MGAT5: variants seen among roughly 807,000 people sequenced by gnomAD.
MGAT5 encodes the protein alpha-1,6-mannosylglycoprotein 6-beta-N-acetylglucosaminyltransferase, also known as alpha-1,6-mannosylglycoprotein 6-beta-N-acetylglucosaminyltransferase A.
A neutral mutation model predicts 94.3 loss-of-function variants in MGAT5; 30 were observed. The ratio of observed to expected loss-of-function variants is 0.32; its 90% CI spans 0.24 to 0.43. MGAT5 has a LOEUF of 0.43. Among genes scored for constraint, MGAT5 ranks in the 20% least tolerant of loss-of-function variants. The pLI, the probability that MGAT5 is intolerant of heterozygous loss-of-function variation, is 1.00. For missense variants in MGAT5, 691 were observed against 905.5 expected, an observed-to-expected ratio of 0.76 and a Z score of 3.04; for synonymous variants, 310 against 322.9, an observed-to-expected ratio of 0.96 and a Z score of 0.43.
chr2:134,234,348 A>G (rs922298262), intron 1 of MGAT5, among the ~76,000 whole-genome samples: 1 of 152,204 alleles, frequency 6.6e-6, no homozygotes, highest in Non-Finnish European at 1.5e-5. Context: ...CCCAACAGAT[A>G]TTAAGTAGTT....
intron 4 of MGAT5, among the ~76,000 whole-genome samples, chr2:134,329,434 A>G (rs1232127317): frequency 2.0e-5 from 3 of 152,140 alleles, no homozygotes; most frequent in South Asian, 2.1e-4. Context: ...TTAACCATAC[A>G]GTACTGCCAC....
intron 9 of MGAT5, among the ~76,000 whole-genome samples, chr2:134,355,509 C>A (rs1245869901): frequency 6.6e-6 from 1 of 152,112 alleles, no homozygotes; most frequent in Non-Finnish European, 1.5e-5. Context: ...CCTGGCTTGG[C>A]TTATATTTAC....
chr2:134,124,478 G>A (rs374314609), intron 1 of MGAT5, among the ~76,000 whole-genome samples: 1 of 152,102 alleles, frequency 6.6e-6, no homozygotes, highest in Non-Finnish European at 1.5e-5. Context: ...CTTTCCTCTC[G>A]GGACTCTGCC....
chr2:134,338,371 T>C lies in MGAT5; in HGVS notation c.758T>C (p.Ile253Thr). The change falls in exon 6 of 16, where the codon ATC becomes ACC. Residue 253 changes from isoleucine to threonine, a missense_variant. Around this residue, in one of 4 missense-constraint regions of MGAT5, gnomAD observed 307 missense variants for 335.4 expected, o/e 0.92. Transcript: ENST00000281923. ...ATGGCTGACGCATGGATCCAAGCAA[T>C]CAAGTCCCTGGCAGAAAAGCAGAAC... Reference protein sequence around the residue: ...RRMADAWIQAIKSLAEKQNLE... With the variant: ...RRMADAWIQATKSLAEKQNLE... The C allele has an allele frequency of 6.2e-7, 1 of 1,612,310 alleles. No individual in the cohort carries two copies. Among genetic ancestry groups the C allele is most frequent in the Non-Finnish European group, 8.5e-7 (1 of 1,179,246 alleles).
At position 134,228,523 on chromosome 2, in the gene MGAT5, C is replaced by T. The variant is rs565565949; in HGVS notation, c.-142-25739C>T. ...GATTTATGGCCTCTCAACTTCACCC[C>T]TTTTTCTTGCTCTGTGAAAATGGAT... On this transcript the variant is annotated intron_variant, in intron 1 of 16. Coordinates refer to the MGAT5 transcript ENST00000409645. 3.9e-5 allele frequency among the ~76,000 whole-genome samples: 6 copies of T among 152,314 alleles called. No individual in the cohort carries two copies. In the East Asian group the frequency reaches 1.2e-3, roughly 29 times the overall value.
chr2:134,193,023 G>C (rs1403814718), intron 1 of MGAT5, among the ~76,000 whole-genome samples: 1 of 151,942 alleles, frequency 6.6e-6, no homozygotes, highest in East Asian at 1.9e-4. Flanking sequence ...TTTTGTGATT[G>C]AGCAAGTATT....
At chr2:134,229,303 T>C (rs367827547) in intron 1 of MGAT5, among the ~76,000 whole-genome samples, 3 of 152,244 alleles carry the variant, frequency 2.0e-5, no homozygotes, top group East Asian at 3.8e-4. Context: ...ATGGTTCTTG[T>C]TCATAGAATG....
At chr2:134,384,243 C>A (rs1324247624) in intron 10 of MGAT5, among the ~76,000 whole-genome samples, 1 of 147,974 alleles carries the variant, frequency 6.8e-6, no homozygotes, top group Non-Finnish European at 1.5e-5. Context: ...ATCATCCTCT[C>A]ATCCAGATGT....
rs1437803559 is a variant in MGAT5, at chr2:134,169,941, ACTT to A, written c.-143+49654_-143+49656del. Among the ~76,000 whole-genome samples, 6 of 152,288 alleles carry A rather than the reference ACTT, an allele frequency of 3.9e-5. No homozygotes were observed. In the South Asian group the frequency reaches 8.3e-4, roughly 21 times the overall value. On this transcript the variant is annotated intron_variant, in intron 1 of 16. Coordinates refer to the MGAT5 transcript ENST00000409645. ...TTGGTGAAGTAAAGGATAATAAACT[ACTT>A]CTTTATATCATGAACTTTTTTTTGA...
intron 2 of MGAT5, among the ~76,000 whole-genome samples, chr2:134,301,226 G>A (rs781514773): frequency 2.6e-5 from 4 of 152,286 alleles, no homozygotes; most frequent in Non-Finnish European, 4.4e-5. Flanking sequence ...AAATCGCAGA[G>A]CAGTACTTTG....
chr2:134,375,547 G>A (rs1375832697), intron 10 of MGAT5, among the ~76,000 whole-genome samples: 1 of 152,210 alleles, frequency 6.6e-6, no homozygotes, highest in Non-Finnish European at 1.5e-5. Flanking sequence ...TTGGTTTTCA[G>A]TTTTCACTGC....
rs188248586 is a variant in MGAT5, at chr2:134,248,469, G to A, written c.-142-5793G>A. On this transcript the variant is annotated intron_variant, in intron 1 of 16. Coordinates refer to the MGAT5 transcript ENST00000409645. Reference sequence around the variant, plus strand: ...AGCCCCTGGAGGCTTTATGCAGGAAGGAGGTGGGGTGAGATTGGAGGCTGG... The same window carrying A: ...AGCCCCTGGAGGCTTTATGCAGGAAAGAGGTGGGGTGAGATTGGAGGCTGG... Among the ~76,000 whole-genome samples, 650 of 152,334 alleles carry A rather than the reference G, an allele frequency of 4.3e-3. 3 individuals are homozygous for A. Among genetic ancestry groups the A allele is most frequent in the Admixed American group, 6.0e-3 (92 of 15,310 alleles).
At chr2:134,238,903 A>G (rs543864548) in intron 1 of MGAT5, among the ~76,000 whole-genome samples, 3 of 152,332 alleles carry the variant, frequency 2.0e-5, no homozygotes, top group African/African-American at 7.2e-5. Flanking sequence ...AGATCATGCC[A>G]CTACTGTATT....
chr2:134,182,651 C>T (rs575575926), intron 1 of MGAT5, among the ~76,000 whole-genome samples: 6 of 152,108 alleles, frequency 3.9e-5, no homozygotes, highest in African/African-American at 2.4e-5. Context: ...TTCCCGTTTC[C>T]GGTCACTGTC....
chr2:134,186,393 T>C (rs972787665), intron 1 of MGAT5, among the ~76,000 whole-genome samples: 1 of 151,796 alleles, frequency 6.6e-6, no homozygotes, highest in South Asian at 2.1e-4. Flanking sequence ...TTTTTTTTTT[T>C]ACTTGGAATT....
At chr2:134,322,832 A>G (rs960934985) in intron 4 of MGAT5, among the ~76,000 whole-genome samples, 3 of 152,126 alleles carry the variant, frequency 2.0e-5, no homozygotes, top group Non-Finnish European at 4.4e-5. Flanking sequence ...TGAGAGAGAC[A>G]TCTTCATTTG....
intron 10 of MGAT5, among the ~76,000 whole-genome samples, chr2:134,377,416 C>T (rs2106184417): frequency 6.6e-6 from 1 of 152,308 alleles, no homozygotes; most frequent in South Asian, 2.1e-4. Flanking sequence ...TTCTTTCCCC[C>T]CATTATTTGA....
intron 10 of MGAT5, among the ~76,000 whole-genome samples, chr2:134,401,171 G>A (rs572325029): frequency 2.0e-5 from 3 of 151,918 alleles, no homozygotes; most frequent in South Asian, 2.1e-4. Flanking sequence ...TCTTATGACC[G>A]ACTGTCTGCG....
intron 1 of MGAT5, among the ~76,000 whole-genome samples, chr2:134,213,494 A>T (rs564413233): frequency 6.6e-6 from 1 of 152,286 alleles, no homozygotes; most frequent in East Asian, 1.9e-4. Context: ...CTACAATTCA[A>T]TTCTGACACT....
Sources: allele counts gnomAD v4.1 joint callset (sites outside exome capture counted in the v4.1 genomes callset), GRCh38; gene constraint gnomAD v4.1.1; regional missense constraint gnomAD v4.1.1; transcripts MANE v1.5; gene names NCBI Gene and HGNC (gene_info 2026-07-23, HGNC 2026-07-21).